The following CELF2 variants were observed in gnomAD, a reference collection of about 807,000 sequenced individuals.
CELF2 encodes the protein CUGBP Elav-like family member 2, also known as CUG triplet repeat RNA-binding protein 2.
CELF2 carries 8 observed loss-of-function variants against 62.6 expected under a neutral mutation model. That is an observed-to-expected ratio of 0.13 (90% CI 0.07 to 0.23). The LOEUF (loss-of-function observed/expected upper bound fraction) is 0.23. Among genes scored for constraint, CELF2 ranks in the 10% least tolerant of loss-of-function variants. CELF2 has a pLI of 1.00. For missense variants in CELF2, 333 were observed against 671.0 expected (o/e 0.50, Z 5.56); for synonymous variants, 258 against 250.0 (o/e 1.03, Z -0.30).
In CELF2 at chr10:11,333,920, C is replaced by T. The variant is rs1006175063; in HGVS notation, c.*4867C>T. 1.2e-4 allele frequency: 18 copies of T among 151,868 alleles called. No individual in the cohort carries two copies. The highest frequency in any genetic ancestry group is 4.6e-4 in the Admixed American group (7 of 15,240). 9.4% of individuals were successfully genotyped at this position (151,868 alleles called of 1,614,324 possible). On this transcript the variant is annotated 3_prime_UTR_variant, in exon 13 of 13. Coordinates refer to ENST00000633077, the MANE Select transcript of CELF2 (RefSeq NM_001326342.2). The stretch of plus-strand genomic sequence containing the variant: ...AAAAAATGGAAATTTTTGTGGCTTG[C>T]TCTGGTGGGCCCCTGACAATGACTG...
chr10:10,745,998 G>T, the CELF2 span, among the ~76,000 whole-genome samples: 7 of 152,118 alleles, frequency 4.6e-5, no homozygotes, highest in African/African-American at 1.7e-4. Flanking sequence ...TTGCATTTTT[G>T]CCTGGTTATT....
chr10:10,628,996 T>C, the CELF2 span, among the ~76,000 whole-genome samples: 9 of 152,252 alleles, frequency 5.9e-5, no homozygotes, highest in South Asian at 1.7e-3. Flanking sequence ...AGGACCCACA[T>C]TGTTAATCCA....
intron 1 of CELF2, among the ~76,000 whole-genome samples, chr10:11,052,063 G>A (rs1023361947): frequency 7.9e-5 from 12 of 151,944 alleles, no homozygotes; most frequent in Admixed American, 3.3e-4. Flanking sequence ...GCAATGCCAC[G>A]CTGGCTAATT....
intron 1 of CELF2, among the ~76,000 whole-genome samples, chr10:11,038,127 A>G (rs1225066441): frequency 1.3e-5 from 2 of 152,216 alleles, no homozygotes; most frequent in Non-Finnish European, 2.9e-5. Context: ...CGCATGAGAA[A>G]TGCTTTGTGT....
At chr10:10,657,115 C>A in the CELF2 span, among the ~76,000 whole-genome samples, 1 of 151,772 alleles carries the variant, frequency 6.6e-6, no homozygotes, top group East Asian at 1.9e-4. Flanking sequence ...ATGGTTGAAC[C>A]CTGAAAAAAT....
intron 1 of CELF2, among the ~76,000 whole-genome samples, chr10:10,835,049 G>A (rs917830367): frequency 1.2e-4 from 19 of 152,072 alleles, no homozygotes; most frequent in African/African-American, 4.3e-4. Flanking sequence ...ATAAGAGGCT[G>A]GAGTATAAAT....
rs144157313 is a variant in CELF2 at position 11,257,304 on chromosome 10, T to C, written c.404-434T>C. ...CGTCTTTCCTCTCCTGACCTTTCTC[T>C]GTCCCTGTCATTCAGGTTAAAAGAC... On this transcript the variant is annotated intron_variant, in intron 4 of 12. Transcript: ENST00000633077. Among the ~76,000 whole-genome samples, 489 of 134,652 alleles carry C rather than the reference T, an allele frequency of 3.6e-3. 3 individuals are homozygous for C. Among genetic ancestry groups the C allele is most frequent in the African/African-American group, 0.012 (433 of 36,578 alleles). The allele number at this position is 134,652 out of a possible 152,430, so 88.3% of individuals were successfully genotyped here. A position where few individuals can be genotyped will look rare whatever the true frequency, so the allele number is the denominator to read the frequency against.
rs558680594 is a variant in CELF2, at chr10:10,835,962, T to G, written c.53+37145T>G. Among the ~76,000 whole-genome samples, 13 of 152,026 alleles carry G rather than the reference T, an allele frequency of 8.6e-5. 1 individual carries two copies. In the South Asian group the frequency reaches 2.7e-3, roughly 32 times the overall value. On this transcript the variant is annotated intron_variant, in intron 1 of 13. Transcript: ENST00000636488. ...GTGCCGTTTATGAAAATGTGAAAGA[T>G]TAGGGGGTGATTTGAAGTGGAGGGA...
At chr10:11,166,946 C>G (rs1333932474) in intron 2 of CELF2, among the ~76,000 whole-genome samples, 1 of 152,212 alleles carries the variant, frequency 6.6e-6, no homozygotes, top group African/African-American at 2.4e-5. Flanking sequence ...CTGGCCAGTA[C>G]TCGTTTTAGA....
chr10:10,609,809 C>T, the CELF2 span, among the ~76,000 whole-genome samples: 1 of 152,330 alleles, frequency 6.6e-6, no homozygotes, highest in Middle Eastern at 3.4e-3. Context: ...TCTCCATCTG[C>T]TAACGTGCTA....
the CELF2 span, among the ~76,000 whole-genome samples, chr10:10,711,620 G>T: frequency 6.6e-6 from 1 of 152,132 alleles, no homozygotes; most frequent in African/African-American, 2.4e-5. Flanking sequence ...GGTGGCTCAC[G>T]CCTGTAATCC....
intron 1 of CELF2, among the ~76,000 whole-genome samples, chr10:10,854,793 C>T (rs1252646649): frequency 2.6e-5 from 4 of 151,950 alleles, no homozygotes; most frequent in Non-Finnish European, 5.9e-5. Flanking sequence ...TATCTGAATG[C>T]AGGGCCCCCT....
the CELF2 span, among the ~76,000 whole-genome samples, chr10:10,627,865 A>T: frequency 5.9e-3 from 898 of 152,298 alleles, 3 homozygotes; most frequent in Non-Finnish European, 8.3e-3. Context: ...TGTGTTTAAC[A>T]TATTATTTGG....
chr10:11,112,165 C>G (rs1045304586), intron 1 of CELF2, among the ~76,000 whole-genome samples: 3 of 152,248 alleles, frequency 2.0e-5, no homozygotes, highest in African/African-American at 7.2e-5. Context: ...GATGCTCTTG[C>G]ATGTGCCACA....
intron 1 of CELF2, among the ~76,000 whole-genome samples, chr10:10,816,665 T>C (rs2056487355): frequency 6.6e-6 from 1 of 152,234 alleles, no homozygotes; most frequent in Non-Finnish European, 1.5e-5. Context: ...ATTCTTCAGA[T>C]GGGCCTTGGA....
intron 1 of CELF2, among the ~76,000 whole-genome samples, chr10:11,134,372 G>A (rs1724533754): frequency 6.6e-6 from 1 of 152,254 alleles, no homozygotes; most frequent in South Asian, 2.1e-4. Flanking sequence ...AAGGGCGGAT[G>A]AGTGTGGCCT....
At chr10:11,182,544 A>G (rs2073761815) in intron 2 of CELF2, among the ~76,000 whole-genome samples, 1 of 152,158 alleles carries the variant, frequency 6.6e-6, no homozygotes. Flanking sequence ...TCCTTTGAGG[A>G]CTTGGATTAT....
chr10:10,732,067 C>A, the CELF2 span, among the ~76,000 whole-genome samples: 10 of 152,082 alleles, frequency 6.6e-5, no homozygotes, highest in African/African-American at 2.2e-4. Context: ...GAAAAGGGAA[C>A]AAAAACCCCT....
At chr10:10,686,101 G>A in the CELF2 span, among the ~76,000 whole-genome samples, 2 of 152,074 alleles carry the variant, frequency 1.3e-5, no homozygotes, top group African/African-American at 2.4e-5. Context: ...GTGTCAACAC[G>A]GTGGTAATAA....
Sources: gnomAD v4.1 joint callset for allele counts (sites outside exome capture counted in the v4.1 genomes callset) on GRCh38, gnomAD v4.1.1 for gene constraint, MANE v1.5 for transcripts, NCBI Gene and HGNC (gene_info 2026-07-23, HGNC 2026-07-21) for gene names.